The following SYT7 variants were observed in gnomAD, a reference collection of about 807,000 sequenced individuals.
The protein encoded by SYT7 is synaptotagmin-7.
SYT7 carries 29 observed loss-of-function variants against 75.1 expected under a neutral mutation model. That is an observed-to-expected ratio of 0.39 (90% CI 0.29 to 0.53). SYT7 has a LOEUF of 0.53. Among genes scored for constraint, SYT7 ranks in the 20% least tolerant of loss-of-function variants. The probability of loss-of-function intolerance (pLI) is 0.77; values close to 1 mark genes in which losing one functional copy is unlikely to be tolerated. For synonymous variants in SYT7, 376 were observed against 401.7 expected (o/e 0.94, Z 0.76); for missense variants, 693 against 953.2 (o/e 0.73, Z 3.59).
rs1424597056 is a variant in SYT7, at chr11:61,542,463, G to A, written c.689C>T (p.Pro230Leu). The stretch of plus-strand genomic sequence containing the variant: ...CCGGCCCCGCTGGTGCTGGCTCAGC[G>A]GCTGTTGCAGGCTCTGCTGCCGCAT... The part of the protein sequence containing the change: ...TLMRQQSLQQ[P>L]LSQHQRGRQP... The change falls in exon 6 of 13, where the codon CCG (proline) becomes CTG (leucine). Residue 230 changes from proline (P) to leucine (L), a missense_variant. Around this residue, in one of 2 missense-constraint regions of SYT7, gnomAD observed 487 missense variants for 593.2 expected, o/e 0.82. Transcript: ENST00000539008. This position sits in a 1 kb window ranked among gnomAD's most constrained non-coding sequence, Gnocchi z 7.8. The A allele has an allele frequency of 1.8e-5, 28 of 1,532,840 alleles. No individual in the cohort carries two copies. The highest frequency in any genetic ancestry group is 2.4e-5 in the South Asian group (2 of 83,900). The allele number at this position is 1,532,840 out of a possible 1,614,324, so 95.0% of individuals were successfully genotyped here. A position where few individuals can be genotyped will look rare whatever the true frequency, so the allele number is the denominator to read the frequency against.
intron 7 of SYT7, among the ~76,000 whole-genome samples, chr11:61,537,265 A>G (rs965722840): frequency 6.6e-6 from 1 of 152,144 alleles, no homozygotes; most frequent in Non-Finnish European, 1.5e-5. Context: ...TCAGGCATCC[A>G]CTGGCCCCAG....
Position 61,523,946 on chromosome 11 carries a change from G to A in SYT7, c.1642-5C>T, listed in dbSNP as rs2062428285. 2 of 1,613,604 alleles carry A rather than the reference G, an allele frequency of 1.2e-6. No individual in the cohort carries two copies. Among genetic ancestry groups the A allele is most frequent in the South Asian group, 2.2e-5 (2 of 91,072 alleles). On this transcript the variant is annotated splice_polypyrimidine_tract_variant and splice_region_variant and intron_variant, in intron 10 of 12. Transcript: ENST00000539008. The surrounding 1 kb of genome is among the most constrained non-coding windows in gnomAD (Gnocchi z 5.0). ...GAGCAGCTCCCCTCGGCTCCCCTGG[G>A]AGGCACGACAGGAGGGGTGTGGGGA...
chr11:61,577,426 A>G (rs1443273012), intron 1 of SYT7, among the ~76,000 whole-genome samples: 1 of 152,218 alleles, frequency 6.6e-6, no homozygotes, highest in Non-Finnish European at 1.5e-5. Flanking sequence ...GGGTGGACAC[A>G]GTCAGGCCTC....
At chr11:61,538,290 G>A in intron 6 of SYT7, 24 bp from the exon 7 acceptor site, 1 of 1,500,526 alleles carries the variant, frequency 6.7e-7, no homozygotes, top group Non-Finnish European at 8.9e-7. Context: ...GCAGCCCACA[G>A]GCCAGGGTGA....
At chr11:61,566,878 C>T (rs138775482) in intron 1 of SYT7, among the ~76,000 whole-genome samples, 2 of 152,318 alleles carry the variant, frequency 1.3e-5, no homozygotes, top group East Asian at 1.9e-4. Flanking sequence ...ATGCTGATGA[C>T]TCAACTTTAT....
chr11:61,550,519 AGAGCCCTTTGG>A (rs2063318653), intron 3 of SYT7, among the ~76,000 whole-genome samples: 1 of 152,144 alleles, frequency 6.6e-6, no homozygotes, highest in Non-Finnish European at 1.5e-5. Context: ...GCTTCTAGGC[AGAGCCCTTTGG>A]CTGGCAGGCT....
In SYT7 at chr11:61,514,020, G is replaced by T. The variant is rs2062103413; in HGVS notation, c.*4607C>A. ...AGTATCCAGGGGGGGACTCACAGGA[G>T]AAAGAAAACACCAGAGGGCGGTGGT... On this transcript the variant is annotated 3_prime_UTR_variant, in exon 13 of 13. Coordinates refer to ENST00000539008, the MANE Select transcript of SYT7 (RefSeq NM_001365809.2). 6.6e-6 allele frequency among the ~76,000 whole-genome samples: 1 copy of T among 152,040 alleles called. No homozygotes were observed. Among genetic ancestry groups the T allele is most frequent in the African/African-American group, 2.4e-5 (1 of 41,368 alleles).
rs68109297 is a variant in SYT7 at position 61,562,048 on chromosome 11, G to GCA, written c.32-5843_32-5842dup. On this transcript the variant is annotated intron_variant, in intron 1 of 12. Transcript: ENST00000539008. Reference sequence around the variant, plus strand: ...CACACACATGCATGCACACACATATGCACACACACACACACACACGCACGC... The same window carrying GCA: ...CACACACATGCATGCACACACATATGCACACACACACACACACACACGCACGC... Among the ~76,000 whole-genome samples the GCA allele has an allele frequency of 1.9e-3, 282 of 149,326 alleles. 3 individuals are homozygous for GCA. The East Asian group carries it at 0.028, about 15-fold the overall frequency.
rs12278335 is a variant in SYT7, at chr11:61,533,448, G to C, written c.1065-324C>G. 0.016 allele frequency: 15,852 copies of C among 985,294 alleles called. 1,811 individuals carry two copies. The African/African-American group carries it at 0.25, about 16-fold the overall frequency. 61.0% of individuals were successfully genotyped at this position (985,294 alleles called of 1,614,324 possible). A position where few individuals can be genotyped will look rare whatever the true frequency, so the allele number is the denominator to read the frequency against. On this transcript the variant is annotated intron_variant, in intron 7 of 12. Transcript: ENST00000539008. ...TTGGCTTGCATAGTCGGTCTCTGAGGTGGCCACTGCCCCCAGTCCTCAGAG... is the reference window on the plus strand; with the variant it reads ...TTGGCTTGCATAGTCGGTCTCTGAGCTGGCCACTGCCCCCAGTCCTCAGAG...
intron 5 of SYT7, among the ~76,000 whole-genome samples, chr11:61,545,387 T>C (rs2063154155): frequency 6.6e-6 from 1 of 152,212 alleles, no homozygotes; most frequent in African/African-American, 2.4e-5. Flanking sequence ...AGTGGTGGGA[T>C]AGCTCGGTGA....
rs2062578934 is a variant in SYT7 at position 61,528,032 on chromosome 11, C to T, written c.1354G>A (p.Gly452Ser). Residue 452 changes from glycine (G) to serine (S), a missense_variant, in exon 9 of 13, where the codon GGC becomes AGC. Physicochemically the swap from Gly to Ser is moderately conservative, Grantham distance 56 (BLOSUM62 0). Coordinates refer to ENST00000539008, the MANE Select transcript of SYT7 (RefSeq NM_001365809.2). ...ATCTTGACGAAGGGGTCGCTGGTGCCGCTGAAGTCCTTGGCCGGCAGCTCC... is the reference window on the plus strand; with the variant it reads ...ATCTTGACGAAGGGGTCGCTGGTGCTGCTGAAGTCCTTGGCCGGCAGCTCC... ...AQELPAKDFS[G>S]TSDPFVKIYL... 5.0e-6 allele frequency: 8 copies of T among 1,614,120 alleles called. No individual in the cohort carries two copies. The highest frequency in any genetic ancestry group is 2.2e-5 in the South Asian group (2 of 91,074).
intron 3 of SYT7, among the ~76,000 whole-genome samples, chr11:61,550,089 C>T (rs1425413089): frequency 1.3e-5 from 2 of 152,202 alleles, no homozygotes; most frequent in African/African-American, 2.4e-5. Flanking sequence ...GCCCCTGGGC[C>T]CTGCCAGCAC....
chr11:61,554,459 C>T (rs1373544834), intron 2 of SYT7, among the ~76,000 whole-genome samples: 1 of 152,120 alleles, frequency 6.6e-6, no homozygotes, highest in Non-Finnish European at 1.5e-5. Context: ...GACACACACA[C>T]ACAGACACAC....
intron 7 of SYT7, among the ~76,000 whole-genome samples, chr11:61,537,462 G>C (rs552105635): frequency 1.1e-4 from 17 of 152,302 alleles, no homozygotes; most frequent in African/African-American, 3.9e-4. Flanking sequence ...GCTATGCCCA[G>C]TCTCCACAGG....
upstream of SYT7, chr11:61,581,140 C>T (rs1277797522): frequency 1.8e-5 from 3 of 167,096 alleles, no homozygotes; most frequent in Non-Finnish European, 3.5e-5. Context: ...CGTGTGTGAG[C>T]GCGCCCGGGG....
At chr11:61,584,171 C>T (rs1398089922), upstream of SYT7, among the ~76,000 whole-genome samples, 1 of 152,076 alleles carries the variant, frequency 6.6e-6, no homozygotes, top group Non-Finnish European at 1.5e-5. Flanking sequence ...GGGCAGTTCA[C>T]AAGGCCAGGA....
chr11:61,581,155 G>A, upstream of SYT7: 1 of 154,676 alleles, frequency 6.5e-6, no homozygotes, highest in African/African-American at 2.4e-5. Flanking sequence ...CCGGGGCACC[G>A]CCGGCGCCGC....
In SYT7 at chr11:61,524,455, G is replaced by A. The variant is rs2062448777; in HGVS notation, c.1549C>T (p.Pro517Ser). The A allele has an allele frequency of 6.2e-7, 1 of 1,613,606 alleles. No homozygotes were observed. Among genetic ancestry groups the A allele is most frequent in the Non-Finnish European group, 8.5e-7 (1 of 1,179,744 alleles). Residue 517 changes from proline (P) to serine (S), a missense_variant, in exon 10 of 13, where the codon CCC (proline) becomes TCC (serine). Pro to Ser is a moderately conservative substitution (Grantham distance 74, BLOSUM62 -1). Transcript: ENST00000539008. This position sits in a 1 kb window ranked among gnomAD's most constrained non-coding sequence, Gnocchi z 4.1. ...LDYDRFSRND[P>S]IGEVSIPLNK... The stretch of plus-strand genomic sequence containing the variant: ...AGGGGGATGGACACCTCCCCAATGG[G>A]GTCGTTGCGGCTGAAGCGGTCATAG...
chr11:61,547,429 C>T (rs539275894), intron 3 of SYT7, 121 bp from the exon 4 acceptor site: 37 of 1,153,634 alleles, frequency 3.2e-5, no homozygotes, highest in Non-Finnish European at 3.5e-5. Context: ...GGCGGGGCTT[C>T]GTGGGTCAGC....
Sources: gnomAD v4.1 joint callset for allele counts (sites outside exome capture counted in the v4.1 genomes callset) on GRCh38, gnomAD v4.1.1 for gene constraint, gnomAD v4.1.1 regional missense constraint, Gnocchi (gnomAD v3.1) non-coding constraint, MANE v1.5 for transcripts, NCBI Gene and HGNC (gene_info 2026-07-23, HGNC 2026-07-21) for gene names.